TMEM132B: variants seen among roughly 807,000 people sequenced by gnomAD.
The protein encoded by TMEM132B is transmembrane protein 132B.
Under a neutral mutation model 90.8 loss-of-function variants are expected in TMEM132B, and 18 were observed. The observed-to-expected ratio is 0.20, with a 90% CI of 0.14 to 0.29. TMEM132B has a LOEUF of 0.29. Among genes scored for constraint, TMEM132B ranks in the 10% least tolerant of loss-of-function variants. The pLI, the probability that TMEM132B is intolerant of heterozygous loss-of-function variation, is 1.00. For missense variants in TMEM132B, 1,096 were observed against 1,326.8 expected (o/e 0.83, Z 2.70); for synonymous variants, 504 against 523.3 (o/e 0.96, Z 0.50).
intron 3 of TMEM132B, among the ~76,000 whole-genome samples, chr12:125,483,567 G>A (rs1427297925): frequency 2.6e-5 from 4 of 152,170 alleles, no homozygotes; most frequent in Non-Finnish European, 5.9e-5. Flanking sequence ...CTGAGGATGG[G>A]GTGAACTTTT....
chr12:125,486,950 A>G (rs1347690039), intron 3 of TMEM132B, among the ~76,000 whole-genome samples: 1 of 152,208 alleles, frequency 6.6e-6, no homozygotes, highest in Admixed American at 6.5e-5. Flanking sequence ...CCTGAGTAGC[A>G]TTGTTCTCTT....
At position 125,650,641 on chromosome 12, in the gene TMEM132B, A is replaced by G. The variant is rs1401786110; in HGVS notation, c.1644-42A>G. 6 of 1,588,316 alleles carry G rather than the reference A, an allele frequency of 3.8e-6. No individual in the cohort carries two copies. The South Asian group carries it at 6.7e-5, about 18-fold the overall frequency. On this transcript the variant is annotated intron_variant, in intron 6 of 8. Transcript: ENST00000682704. ...AAAACAAGGGCATGCAGAACTTCTT[A>G]ACAATGAAGACTTTGTTCTGTTTCG... is the stretch of plus-strand genomic sequence containing the variant.
intron 4 of TMEM132B, among the ~76,000 whole-genome samples, chr12:125,533,107 C>T (rs910382167): frequency 2.6e-5 from 4 of 152,140 alleles, no homozygotes; most frequent in African/African-American, 9.7e-5. Flanking sequence ...CGTTCAATTC[C>T]AGCCTGGCTT....
At chr12:125,640,412 C>T (rs1022494158) in intron 5 of TMEM132B, among the ~76,000 whole-genome samples, 2 of 152,188 alleles carry the variant, frequency 1.3e-5, no homozygotes, top group African/African-American at 2.4e-5. Flanking sequence ...CAGATCATAT[C>T]CTCAGAAGAC....
At chr12:125,477,489 C>T (rs994780880) in intron 3 of TMEM132B, among the ~76,000 whole-genome samples, 4 of 151,398 alleles carry the variant, frequency 2.6e-5, no homozygotes, top group African/African-American at 9.7e-5. Flanking sequence ...TTTGCTTTCT[C>T]AAAGAAAAAA....
At position 125,538,454 on chromosome 12, in the gene TMEM132B, A is replaced by T. The variant is rs567436478; in HGVS notation, c.1293+18829A>T. ...AGACCTTCCTCAGTGGCACTCTAGC[A>T]AGCACATCTCAAGTGATCAGCTGTT... On this transcript the variant is annotated intron_variant, in intron 4 of 8. Coordinates refer to ENST00000682704, the MANE Select transcript of TMEM132B (RefSeq NM_001366854.1). Among the ~76,000 whole-genome samples, 7 of 152,324 alleles carry T rather than the reference A, an allele frequency of 4.6e-5. No individual in the cohort carries two copies. In the East Asian group the frequency reaches 1.2e-3, roughly 25 times the overall value.
chr12:125,660,826 C>CGACAAGAG lies in TMEM132B; in HGVS notation c.*6117_*6124dup, dbSNP rs1887191636. The CGACAAGAG allele has an allele frequency of 6.6e-6, 1 of 152,178 alleles. No homozygotes were observed. The highest frequency in any genetic ancestry group is 1.5e-5 in the Non-Finnish European group (1 of 68,038). The allele number at this position is 152,178 out of a possible 1,614,324, so 9.4% of individuals were successfully genotyped here. Reference sequence around the variant, plus strand: ...ATGAAACATTGTAATTTCATGTTAACGACAAGAGTCTCACGGGAGTCTCTT... The same window carrying CGACAAGAG: ...ATGAAACATTGTAATTTCATGTTAACGACAAGAGGACAAGAGTCTCACGGGAGTCTCTT... On this transcript the variant is annotated 3_prime_UTR_variant, in exon 9 of 9. Transcript: ENST00000682704.
chr12:125,284,675 G>T lies in TMEM132B; in HGVS notation c.68-64777G>T, dbSNP rs896860967. On this transcript the variant is annotated intron_variant, in intron 1 of 8. Transcript: ENST00000682704. Reference sequence around the variant, plus strand: ...GGATAGACATTCAAATCGCTTCTGCGTTTTTTTTATTTGCTGTTATAAACG... The same window carrying T: ...GGATAGACATTCAAATCGCTTCTGCTTTTTTTTTATTTGCTGTTATAAACG... Among the ~76,000 whole-genome samples, 4 of 152,128 alleles carry T rather than the reference G, an allele frequency of 2.6e-5. No homozygotes were observed. In the East Asian group the frequency reaches 5.8e-4, roughly 22 times the overall value.
intron 2 of TMEM132B, among the ~76,000 whole-genome samples, chr12:125,366,929 C>A (rs1420409236): frequency 2.6e-5 from 4 of 152,040 alleles, no homozygotes; most frequent in Non-Finnish European, 5.9e-5. Flanking sequence ...GATTCTTTCT[C>A]CTGTCATCTT....
chr12:125,476,921 T>G (rs996233283), intron 3 of TMEM132B, among the ~76,000 whole-genome samples: 10 of 152,164 alleles, frequency 6.6e-5, no homozygotes, highest in Non-Finnish European at 1.5e-4. Flanking sequence ...TTGATAAGGC[T>G]TCAGTGGTGG....
chr12:125,244,153 C>T (rs888160723), intron 1 of TMEM132B, among the ~76,000 whole-genome samples: 3 of 152,032 alleles, frequency 2.0e-5, no homozygotes, highest in African/African-American at 4.8e-5. Context: ...TTTGTGTATT[C>T]GTCGGTTGAT....
chr12:125,599,817 C>A (rs16919315), intron 5 of TMEM132B, among the ~76,000 whole-genome samples: 7 of 151,974 alleles, frequency 4.6e-5, no homozygotes, highest in Non-Finnish European at 7.4e-5. Flanking sequence ...GTAAGCTTAG[C>A]GCCAGGAATG....
At chr12:125,569,817 A>C (rs1884747237) in intron 4 of TMEM132B, among the ~76,000 whole-genome samples, 1 of 152,060 alleles carries the variant, frequency 6.6e-6, no homozygotes, top group South Asian at 2.1e-4. Flanking sequence ...ACTGCTTCTT[A>C]GTTTATATTC....
At chr12:125,325,004 C>A (rs1385624874) in intron 1 of TMEM132B, among the ~76,000 whole-genome samples, 1 of 152,152 alleles carries the variant, frequency 6.6e-6, no homozygotes, top group Non-Finnish European at 1.5e-5. Flanking sequence ...CAGTGGTTAC[C>A]TGCCTGCAAC....
intron 1 of TMEM132B, among the ~76,000 whole-genome samples, chr12:125,200,750 T>C (rs35050183): frequency 0.33 from 50,591 of 152,100 alleles, 8,737 homozygotes; most frequent in East Asian, 0.47. Context: ...TAGGGGCAGT[T>C]GGGAGATGGT....
chr12:125,349,534 C>T lies in TMEM132B; in HGVS notation c.150C>T (p.Ser50=), dbSNP rs761702357. The change falls in exon 2 of 9, where the codon TCC becomes TCT. Residue 50 remains serine, a synonymous_variant. Transcript: ENST00000682704. The surrounding 1 kb of genome is among the most constrained non-coding windows in gnomAD (Gnocchi z 4.1). ...ACCTCCCCACGAACTTGCACATCTCCAATGCAGAGGAGTCCTTTTTCCTTA... is the reference window on the plus strand; with the variant it reads ...ACCTCCCCACGAACTTGCACATCTCTAATGCAGAGGAGTCCTTTTTCCTTA... ...PAYLPTNLHI[S]NAEESFFLKE... is the part of the protein sequence containing the mutation. 3.7e-6 allele frequency: 6 copies of T among 1,614,088 alleles called. No homozygotes were observed. The Admixed American group carries it at 8.3e-5, about 22-fold the overall frequency.
intron 5 of TMEM132B, among the ~76,000 whole-genome samples, chr12:125,621,794 T>A (rs1886119631): frequency 6.6e-6 from 1 of 152,188 alleles, no homozygotes; most frequent in South Asian, 2.1e-4. Context: ...GATATGGACC[T>A]CGAAGGGTGA....
chr12:125,436,580 C>T (rs531024777), intron 3 of TMEM132B, among the ~76,000 whole-genome samples: 27 of 152,232 alleles, frequency 1.8e-4, no homozygotes, highest in Admixed American at 4.6e-4. Flanking sequence ...CAAGGAACTT[C>T]GAAGATTGCC....
chr12:125,564,950 G>C (rs1884625850), intron 4 of TMEM132B, among the ~76,000 whole-genome samples: 2 of 152,154 alleles, frequency 1.3e-5, no homozygotes, highest in Non-Finnish European at 2.9e-5. Context: ...TGAAGGATGA[G>C]TAGGGGTTTT....
Sources: gnomAD v4.1 joint callset for allele counts (sites outside exome capture counted in the v4.1 genomes callset) on GRCh38, gnomAD v4.1.1 for gene constraint, Gnocchi (gnomAD v3.1) non-coding constraint, MANE v1.5 for transcripts, NCBI Gene and HGNC (gene_info 2026-07-23, HGNC 2026-07-21) for gene names.